Variants in FLNB observed in about 807,000 individuals in gnomAD.
The protein encoded by FLNB is filamin B, also known as filamin-B.
A neutral mutation model predicts 250.6 loss-of-function variants in FLNB; 111 were observed. The ratio of observed to expected loss-of-function variants is 0.44; its 90% CI spans 0.38 to 0.52. The LOEUF is 0.52. Among genes scored for constraint, FLNB ranks in the 20% least tolerant of loss-of-function variants. The pLI is 0.00. For synonymous variants in FLNB, 1,302 were observed against 1,372.1 expected, an observed-to-expected ratio of 0.95 and a Z score of 1.13; for missense variants, 2,869 against 3,447.8, an observed-to-expected ratio of 0.83 and a Z score of 4.20.
intron 28 of FLNB, among the ~76,000 whole-genome samples, chr3:58,136,814 C>T (rs186227813): frequency 7.8e-6 from 1 of 128,198 alleles, no homozygotes; most frequent in Non-Finnish European, 1.5e-5. Context: ...TGCAGTGACG[C>T]AATCTCAGCT....
chr3:58,113,607 T>A (rs1378766780), intron 18 of FLNB, among the ~76,000 whole-genome samples: 1 of 152,192 alleles, frequency 6.6e-6, no homozygotes. Flanking sequence ...GGATTCTGTG[T>A]GTCGTGTTAT....
At position 58,060,769 on chromosome 3, in the gene FLNB, C is replaced by CA. The variant is rs71091334; in HGVS notation, c.293-16247dup. On this transcript the variant is annotated intron_variant, in intron 1 of 45. Transcript: ENST00000295956. ...TGGGCAACAGAGCAAGACCTTGTCT[C>CA]AAAAAAAAAAAAAAAAAAAAAAAAA... Among the ~76,000 whole-genome samples the CA allele has an allele frequency of 7.2e-3, 462 of 64,198 alleles. 16 individuals carry two copies. The highest frequency in any genetic ancestry group is 0.011 in the Non-Finnish European group (392 of 35,282). 42.1% of individuals were successfully genotyped at this position (64,198 alleles called of 152,430 possible).
chr3:58,106,534 G>C, intron 11 of FLNB, 146 bp from the exon 12 acceptor site: 1 of 713,956 alleles, frequency 1.4e-6, no homozygotes, highest in Non-Finnish European at 2.5e-6. Context: ...TAATGAGCTT[G>C]GTTTTGGAAG....
chr3:58,170,548 G>A (rs1282419697), intron 45 of FLNB, 27 bp from the exon 46 acceptor site: 6 of 1,611,664 alleles, frequency 3.7e-6, no homozygotes, highest in Non-Finnish European at 5.1e-6. Context: ...ATGCATCCGG[G>A]TGGAGTAACC....
intron 18 of FLNB, among the ~76,000 whole-genome samples, chr3:58,115,389 A>G (rs921617949): frequency 3.9e-5 from 6 of 152,162 alleles, no homozygotes; most frequent in Non-Finnish European, 7.4e-5. Flanking sequence ...TTCTATGTCT[A>G]TATGCCTTTT....
intron 1 of FLNB, among the ~76,000 whole-genome samples, chr3:58,068,139 C>T (rs913409695): frequency 6.6e-6 from 1 of 152,170 alleles, no homozygotes; most frequent in Non-Finnish European, 1.5e-5. Context: ...TCATTTGTTG[C>T]TTATTTGAAA....
intron 17 of FLNB, 95 bp downstream of exon 17, chr3:58,111,976 A>C: frequency 8.4e-7 from 1 of 1,195,952 alleles, no homozygotes; most frequent in Non-Finnish European, 1.2e-6. Context: ...CATCTCCACC[A>C]ACACCAACAC....
At chr3:58,144,477 C>T (rs1172191093) in intron 32 of FLNB, among the ~76,000 whole-genome samples, 1 of 152,182 alleles carries the variant, frequency 6.6e-6, no homozygotes, top group Admixed American at 6.5e-5. Flanking sequence ...CTCATGTGGA[C>T]GAACCATTAC....
chr3:58,149,515 C>G, intron 36 of FLNB: 1 of 389,238 alleles, frequency 2.6e-6, no homozygotes, highest in South Asian at 2.5e-5. Context: ...GGATAAACCC[C>G]CAAGGTGGTA....
In FLNB at chr3:58,149,901, A is replaced by T; in HGVS notation, c.6143A>T (p.Gln2048Leu). ...AVEGPSKVDI[Q>L]TEDLEDGTCK... ...GAAGGCCCCAGCAAAGTGGACATCCAGACGGAGGACCTGGAAGATGGCACC... is the reference window on the plus strand; with the variant it reads ...GAAGGCCCCAGCAAAGTGGACATCCTGACGGAGGACCTGGAAGATGGCACC... Residue 2048 changes from glutamine (Q) to leucine (L), a missense_variant, in exon 37 of 46, where the codon CAG becomes CTG. Gln to Leu is a moderately radical substitution (Grantham distance 113). Around this residue, in one of 5 missense-constraint regions of FLNB, gnomAD observed 1,084 missense variants for 1,315.5 expected, o/e 0.82. Transcript: ENST00000295956. 6.2e-7 allele frequency: 1 copy of T among 1,614,224 alleles called. No homozygotes were observed. The highest frequency in any genetic ancestry group is 8.5e-7 in the Non-Finnish European group (1 of 1,180,020).
At chr3:58,148,162 G>A (rs780195344) in intron 34 of FLNB, 44 bp from the exon 35 acceptor site, 3 of 1,607,550 alleles carry the variant, frequency 1.9e-6, no homozygotes, top group Non-Finnish European at 2.6e-6. Flanking sequence ...TGAAGCCAGG[G>A]TAACCACATG....
At position 58,097,797 on chromosome 3, in the gene FLNB, CCTAT is replaced by C. The variant is rs1439142054; in HGVS notation, c.985-15_985-12del. On this transcript the variant is annotated splice_polypyrimidine_tract_variant and intron_variant, in intron 6 of 45. Transcript: ENST00000295956. ...CAGAGAAGTGATTATGTATTTCTCA[CCTAT>C]CTGTCACCTATAGGTCACAGTCCTC... The C allele has an allele frequency of 1.6e-5, 26 of 1,612,630 alleles. No individual in the cohort carries two copies. Among genetic ancestry groups the C allele is most frequent in the Non-Finnish European group, 2.2e-5 (26 of 1,179,108 alleles).
rs1419467611 is a variant in FLNB at position 58,026,762 on chromosome 3, C to A, written c.292+17906C>A. Among the ~76,000 whole-genome samples, 3 of 152,188 alleles carry A rather than the reference C, an allele frequency of 2.0e-5. No individual in the cohort carries two copies. The South Asian group carries it at 6.2e-4, about 32-fold the overall frequency. ...AGCTGCCTGCTGTTCATAATTGGGCCAGATTTCTAATACTGCAGCGCTACC... is the reference window on the plus strand; with the variant it reads ...AGCTGCCTGCTGTTCATAATTGGGCAAGATTTCTAATACTGCAGCGCTACC... On this transcript the variant is annotated intron_variant, in intron 1 of 45. Transcript: ENST00000295956.
chr3:58,091,231 A>T (rs2097226716), intron 4 of FLNB, among the ~76,000 whole-genome samples: 1 of 152,252 alleles, frequency 6.6e-6, no homozygotes, highest in Non-Finnish European at 1.5e-5. Flanking sequence ...AAGGAATTAA[A>T]GTAGCAAAAA....
chr3:58,078,421 G>C (rs1297029854), intron 2 of FLNB: 2 of 1,534,996 alleles, frequency 1.3e-6, no homozygotes, highest in Admixed American at 2.0e-5. Flanking sequence ...AAGGCACCAG[G>C]CTTTTTCCAA....
chr3:58,025,544 G>A (rs2097122438), intron 1 of FLNB, among the ~76,000 whole-genome samples: 2 of 152,276 alleles, frequency 1.3e-5, no homozygotes, highest in South Asian at 4.1e-4. Context: ...TCCTGGGCCT[G>A]AGTCTTGGCT....
chr3:58,067,074 A>C (rs2097186632), intron 1 of FLNB, among the ~76,000 whole-genome samples: 1 of 152,222 alleles, frequency 6.6e-6, no homozygotes, highest in Admixed American at 6.5e-5. Context: ...GTTCTGTTGC[A>C]GAGAAATCCT....
rs1388779908 is a variant in FLNB, at chr3:58,170,614, C to T, written c.7661C>T (p.Thr2554Ile). 1.2e-6 allele frequency: 2 copies of T among 1,614,138 alleles called. No homozygotes were observed. Among genetic ancestry groups the T allele is most frequent in the Non-Finnish European group, 8.5e-7 (1 of 1,180,034 alleles). The change falls in exon 46 of 46, where the codon ACC becomes ATC. Residue 2554 changes from threonine (T) to isoleucine (I), a missense_variant. Physicochemically the swap from Thr to Ile is moderately conservative, Grantham distance 89 (BLOSUM62 -1). Coordinates refer to ENST00000295956, the MANE Select transcript of FLNB (RefSeq NM_001457.4). The stretch of plus-strand genomic sequence containing the variant: ...CTGATCGGGGTCCATGGGCCCACCA[C>T]CCCCTGCGAGGAGGTCTCCATGAAG... ...MLLIGVHGPTTPCEEVSMKHV... is the reference protein window; with the variant it reads ...MLLIGVHGPTIPCEEVSMKHV...
At chr3:58,088,447 T>C (rs924675430) in intron 4 of FLNB, among the ~76,000 whole-genome samples, 4 of 152,184 alleles carry the variant, frequency 2.6e-5, no homozygotes, top group Admixed American at 6.5e-5. Context: ...TTCTTTCTTC[T>C]AACTACAACT....
Sources: allele counts gnomAD v4.1 joint callset (sites outside exome capture counted in the v4.1 genomes callset), GRCh38; gene constraint gnomAD v4.1.1; regional missense constraint gnomAD v4.1.1; transcripts MANE v1.5; gene names NCBI Gene and HGNC (gene_info 2026-07-23, HGNC 2026-07-21).